Variants in ATF7IP observed in about 807,000 individuals in gnomAD.
The protein encoded by ATF7IP is activating transcription factor 7-interacting protein 1.
Under a neutral mutation model 106.4 loss-of-function variants are expected in ATF7IP, and 23 were observed. The ratio of observed to expected loss-of-function variants is 0.22; its 90% confidence interval spans 0.16 to 0.31. The LOEUF (loss-of-function observed/expected upper bound fraction) is 0.31. ATF7IP is among the 10% of genes least tolerant of loss of function. The probability of loss-of-function intolerance (pLI) is 1.00; values close to 1 mark genes in which losing one functional copy is unlikely to be tolerated. For missense variants in ATF7IP, 1,334 were observed against 1,524.3 expected (o/e 0.88, Z 2.08); for synonymous variants, 542 against 539.0 (o/e 1.01, Z -0.08).
At chr12:14,493,822 T>C (rs1944908594) in intron 13 of ATF7IP, among the ~76,000 whole-genome samples, 1 of 152,096 alleles carries the variant, frequency 6.6e-6, no homozygotes, top group Non-Finnish European at 1.5e-5. Flanking sequence ...CTACAGGAGA[T>C]AAGACTCTCA....
intron 6 of ATF7IP, among the ~76,000 whole-genome samples, chr12:14,453,835 G>A (rs1943305707): frequency 6.6e-6 from 1 of 152,118 alleles, no homozygotes; most frequent in Non-Finnish European, 1.5e-5. Context: ...ATTTTGGCTA[G>A]GCTGCTCTTG....
rs139244398 is a variant in ATF7IP at position 14,448,942 on chromosome 12, G to T, written c.1995+1889G>T. On this transcript the variant is annotated intron_variant, in intron 6 of 14. Transcript: ENST00000261168. ...TTTCATATGCTTGTTGGCCATTTAT[G>T]TATCTCCTTTGGAGAAAAGTCTCTT... 4.5e-3 allele frequency among the ~76,000 whole-genome samples: 688 copies of T among 152,204 alleles called. 2 individuals are homozygous for T. Among genetic ancestry groups the T allele is most frequent in the African/African-American group, 0.016 (660 of 41,544 alleles).
At chr12:14,390,567 A>G (rs956960042) in intron 1 of ATF7IP, among the ~76,000 whole-genome samples, 1 of 152,250 alleles carries the variant, frequency 6.6e-6, no homozygotes, top group African/African-American at 2.4e-5. Context: ...AGTGTATTCA[A>G]GCTATGCAGT....
intron 13 of ATF7IP, chr12:14,482,242 A>G (rs1944455359): frequency 6.6e-6 from 1 of 152,186 alleles, no homozygotes; most frequent in Non-Finnish European, 1.5e-5. Context: ...TGCCACCAAA[A>G]TTGATATCAT....
intron 1 of ATF7IP, among the ~76,000 whole-genome samples, chr12:14,418,737 A>G (rs17402950): frequency 0.048 from 7,302 of 152,212 alleles, 188 homozygotes; most frequent in Non-Finnish European, 0.059. Flanking sequence ...GTTTTTTATT[A>G]TATTTAGAAC....
chr12:14,406,160 G>A (rs983718935), intron 1 of ATF7IP, among the ~76,000 whole-genome samples: 7 of 151,908 alleles, frequency 4.6e-5, no homozygotes, highest in African/African-American at 1.2e-4. Context: ...GTGCAGTGGC[G>A]TGATGTCAGC....
chr12:14,410,804 C>G (rs934442412), intron 1 of ATF7IP, among the ~76,000 whole-genome samples: 13 of 151,926 alleles, frequency 8.6e-5, no homozygotes, highest in African/African-American at 3.1e-4. Context: ...CAGTACTATC[C>G]AGTTTCAGGC....
At chr12:14,461,958 C>T (rs1219428995) in intron 9 of ATF7IP, among the ~76,000 whole-genome samples, 1 of 152,058 alleles carries the variant, frequency 6.6e-6, no homozygotes, top group Non-Finnish European at 1.5e-5. Context: ...TACAAAATTA[C>T]TTTTATAAGT....
In ATF7IP at chr12:14,404,461, A is replaced by G. The variant is rs1406647238; in HGVS notation, c.-7-19448A>G. The stretch of plus-strand genomic sequence containing the variant: ...TTGCTTAAACAGTACATTTTTAAGT[A>G]CACTTTATTAAAATGTTATCAGCAA... On this transcript the variant is annotated intron_variant, in intron 1 of 14. Coordinates refer to ENST00000261168, the MANE Select transcript of ATF7IP (RefSeq NM_018179.5). Among the ~76,000 whole-genome samples, 3 of 152,178 alleles carry G rather than the reference A, an allele frequency of 2.0e-5. No homozygotes were observed. In the East Asian group the frequency reaches 5.8e-4, roughly 29 times the overall value.
chr12:14,392,457 A>C (rs1448958360), intron 1 of ATF7IP, among the ~76,000 whole-genome samples: 1 of 152,242 alleles, frequency 6.6e-6, no homozygotes, highest in Non-Finnish European at 1.5e-5. Flanking sequence ...CAAAGGCAGC[A>C]TGGTAGAGTG....
At position 14,436,092 on chromosome 12, in the gene ATF7IP, G is replaced by T. The variant is rs1942389658; in HGVS notation, c.1646-14G>T. 6.2e-7 allele frequency: 1 copy of T among 1,611,152 alleles called. No homozygotes were observed. The highest frequency in any genetic ancestry group is 1.7e-5 in the Admixed American group (1 of 59,754). The stretch of plus-strand genomic sequence containing the variant: ...AAAACACCTGAGTGTGATCATTGTG[G>T]TTTTCCTTCTCAGATGAATTTTCTA... On this transcript the variant is annotated splice_polypyrimidine_tract_variant and intron_variant, in intron 3 of 14. Transcript: ENST00000261168.
At chr12:14,370,671 G>T (rs753674948) in intron 1 of ATF7IP, among the ~76,000 whole-genome samples, 7 of 152,046 alleles carry the variant, frequency 4.6e-5, no homozygotes, top group Admixed American at 1.3e-4. Flanking sequence ...AACTCTGGGA[G>T]AATTTGTGGT....
At chr12:14,432,596 CT>C (rs1270807445) in intron 2 of ATF7IP, among the ~76,000 whole-genome samples, 1 of 152,092 alleles carries the variant, frequency 6.6e-6, no homozygotes, top group African/African-American at 2.4e-5. Context: ...GAAAAAAATA[CT>C]TCTAGCGCCT....
At chr12:14,434,244 G>A (rs1942289162) in intron 2 of ATF7IP, 93 bp from the exon 3 acceptor site, 1 of 801,014 alleles carries the variant, frequency 1.2e-6, no homozygotes, top group Admixed American at 2.9e-5. Flanking sequence ...TAAAAGGTTG[G>A]TTTTGTAACT....
chr12:14,433,678 A>AG (rs929353184), intron 2 of ATF7IP, among the ~76,000 whole-genome samples: 1 of 152,086 alleles, frequency 6.6e-6, no homozygotes, highest in Admixed American at 6.5e-5. Flanking sequence ...CTCAAAAAAA[A>AG]AAAAGAAAAG....
chr12:14,387,567 C>A (rs1204415244), intron 1 of ATF7IP, among the ~76,000 whole-genome samples: 1 of 152,114 alleles, frequency 6.6e-6, no homozygotes, highest in Non-Finnish European at 1.5e-5. Flanking sequence ...TGCCGCTACC[C>A]TCTACAAGAT....
At chr12:14,494,933 A>C (rs1057473886) in intron 13 of ATF7IP, among the ~76,000 whole-genome samples, 1 of 7,826 alleles carries the variant, frequency 1.3e-4, no homozygotes, top group Non-Finnish European at 4.3e-4. Flanking sequence ...ACTCTGTCTC[A>C]AAAAAAAAAA....
At chr12:14,461,966 A>G (rs1276309923) in intron 9 of ATF7IP, among the ~76,000 whole-genome samples, 1 of 152,162 alleles carries the variant, frequency 6.6e-6, no homozygotes, top group South Asian at 2.1e-4. Flanking sequence ...TACTTTTATA[A>G]GTGAGATGTA....
chr12:14,490,220 G>A (rs1944766499), intron 13 of ATF7IP, among the ~76,000 whole-genome samples: 1 of 152,224 alleles, frequency 6.6e-6, no homozygotes, highest in African/African-American at 2.4e-5. Flanking sequence ...GCCGAATGGT[G>A]TCCACAGAAC....
Sources: allele counts gnomAD v4.1 joint callset (sites outside exome capture counted in the v4.1 genomes callset), GRCh38; gene constraint gnomAD v4.1.1; transcripts MANE v1.5; gene names NCBI Gene and HGNC (gene_info 2026-07-23, HGNC 2026-07-21).